The following CSMD1 variants were observed in gnomAD, a reference collection of about 807,000 sequenced individuals.
The protein encoded by CSMD1 is CUB and sushi domain-containing protein 1.
In CSMD1, 213 loss-of-function variants were observed where a neutral mutation model predicts 417.5. The observed-to-expected ratio is 0.51, with a 90% CI of 0.46 to 0.57. The LOEUF is 0.57. CSMD1 is among the 20% of genes least tolerant of loss of function. The probability of loss-of-function intolerance (pLI) is 0.00; values close to 1 mark genes in which losing one functional copy is unlikely to be tolerated. For missense variants in CSMD1, 6,923 were observed against 4,529.7 expected, an observed-to-expected ratio of 1.53 and a Z score of -15.17; for synonymous variants, 2,862 against 1,736.8, an observed-to-expected ratio of 1.65 and a Z score of -16.11.
At chr8:4,030,890 G>A (rs933208938) in intron 4 of CSMD1, among the ~76,000 whole-genome samples, 1 of 152,094 alleles carries the variant, frequency 6.6e-6, no homozygotes, top group Non-Finnish European at 1.5e-5. Flanking sequence ...TCTCTCTCAA[G>A]TTCAAAGTTC....
intron 26 of CSMD1, among the ~76,000 whole-genome samples, chr8:3,263,512 G>A (rs879838855): frequency 6.6e-6 from 1 of 152,174 alleles, no homozygotes. Flanking sequence ...TTATTGGAAA[G>A]AGAATATTAC....
chr8:4,930,578 C>G (rs1807179487), intron 1 of CSMD1, among the ~76,000 whole-genome samples: 1 of 152,096 alleles, frequency 6.6e-6, no homozygotes, highest in South Asian at 2.1e-4. Context: ...AGATCCCCTG[C>G]TAGGATTGGC....
At chr8:4,610,032 A>G (rs1801081069) in intron 2 of CSMD1, among the ~76,000 whole-genome samples, 1 of 152,070 alleles carries the variant, frequency 6.6e-6, no homozygotes, top group Non-Finnish European at 1.5e-5. Flanking sequence ...GTTCAGGAAA[A>G]AAAAAAAACA....
chr8:4,296,431 T>C (rs534609908), intron 3 of CSMD1, among the ~76,000 whole-genome samples: 8 of 152,300 alleles, frequency 5.3e-5, no homozygotes, highest in East Asian at 1.9e-4. Context: ...GAGTGTGAGA[T>C]AGCATGGCAT....
At chr8:4,718,879 A>T (rs1314624137) in intron 1 of CSMD1, among the ~76,000 whole-genome samples, 1 of 152,112 alleles carries the variant, frequency 6.6e-6, no homozygotes, top group Non-Finnish European at 1.5e-5. Context: ...AATGAATGAA[A>T]ATACGTATCT....
intron 3 of CSMD1, among the ~76,000 whole-genome samples, chr8:4,356,109 C>G (rs530495265): frequency 2.6e-5 from 4 of 152,276 alleles, no homozygotes; most frequent in Admixed American, 1.3e-4. Flanking sequence ...CACACACCTC[C>G]TAGTCTTCCC....
chr8:3,386,770 T>C (rs929475001), intron 18 of CSMD1, among the ~76,000 whole-genome samples: 2 of 152,212 alleles, frequency 1.3e-5, no homozygotes, highest in African/African-American at 4.8e-5. Context: ...TTTCTTGGAA[T>C]GTTATTTTCC....
chr8:3,215,603 C>T (rs946316752), intron 29 of CSMD1, among the ~76,000 whole-genome samples: 1 of 152,230 alleles, frequency 6.6e-6, no homozygotes, highest in African/African-American at 2.4e-5. Context: ...AGTATTTCTT[C>T]TTCCCAAGTA....
At chr8:4,891,993 G>C (rs1382582190) in intron 1 of CSMD1, among the ~76,000 whole-genome samples, 1 of 152,018 alleles carries the variant, frequency 6.6e-6, no homozygotes, top group African/African-American at 2.4e-5. Flanking sequence ...GACCAAAATA[G>C]CTCTTAAACA....
chr8:3,653,662 C>G (rs987147133), intron 7 of CSMD1, among the ~76,000 whole-genome samples: 1 of 152,190 alleles, frequency 6.6e-6, no homozygotes, highest in Non-Finnish European at 1.5e-5. Context: ...CTGATAAGGG[C>G]CAGCTTTTTA....
chr8:4,936,954 T>C (rs1235505163), intron 1 of CSMD1, among the ~76,000 whole-genome samples: 1 of 152,218 alleles, frequency 6.6e-6, no homozygotes, highest in Non-Finnish European at 1.5e-5. Flanking sequence ...CTCATACCTA[T>C]AACCCTAGCA....
chr8:3,569,435 G>C (rs1215689397), intron 10 of CSMD1, among the ~76,000 whole-genome samples: 1 of 152,158 alleles, frequency 6.6e-6, no homozygotes, highest in African/African-American at 2.4e-5. Context: ...TGAATCAAGA[G>C]AGGATTAAAT....
chr8:3,559,541 T>TGG (rs1432656819), intron 10 of CSMD1, among the ~76,000 whole-genome samples: 11 of 152,072 alleles, frequency 7.2e-5, no homozygotes, highest in Non-Finnish European at 1.5e-4. Context: ...TGGAAGATGA[T>TGG]AAAGGAAAAG....
chr8:3,729,789 G>A (rs990620128), intron 6 of CSMD1, among the ~76,000 whole-genome samples: 1 of 151,962 alleles, frequency 6.6e-6, no homozygotes, highest in Non-Finnish European at 1.5e-5. Flanking sequence ...TAGATATCCT[G>A]ATGACCATGA....
intron 3 of CSMD1, among the ~76,000 whole-genome samples, chr8:4,137,666 A>C (rs552658388): frequency 7.6e-6 from 1 of 131,302 alleles, no homozygotes; most frequent in Non-Finnish European, 1.8e-5. Context: ...ATTCATACTG[A>C]AAGTAACTTC....
chr8:4,548,903 C>A (rs1797746271), intron 2 of CSMD1, among the ~76,000 whole-genome samples: 1 of 152,060 alleles, frequency 6.6e-6, no homozygotes, highest in African/African-American at 2.4e-5. Flanking sequence ...CATTTAGAAT[C>A]CTGTTACCTT....
At chr8:4,256,835 G>C (rs531166312) in intron 3 of CSMD1, among the ~76,000 whole-genome samples, 2 of 152,316 alleles carry the variant, frequency 1.3e-5, no homozygotes, top group Admixed American at 1.3e-4. Context: ...GCAAAGAACA[G>C]CTATCCCTCC....
intron 2 of CSMD1, among the ~76,000 whole-genome samples, chr8:4,427,558 T>A (rs1399740791): frequency 2.6e-5 from 4 of 151,992 alleles, no homozygotes; most frequent in South Asian, 2.1e-4. Flanking sequence ...TATATATACA[T>A]CTTACCAGAT....
intron 7 of CSMD1, among the ~76,000 whole-genome samples, chr8:3,651,686 C>G (rs1177660405): frequency 6.6e-6 from 1 of 152,106 alleles, no homozygotes; most frequent in Admixed American, 6.6e-5. Context: ...CTGTACTTAA[C>G]ACCATCAGAG....
Sources: allele counts gnomAD v4.1 joint callset (sites outside exome capture counted in the v4.1 genomes callset), GRCh38; gene constraint gnomAD v4.1.1; transcripts MANE v1.5; gene names NCBI Gene and HGNC (gene_info 2026-07-23, HGNC 2026-07-21).